Variants in KLF17 observed in about 807,000 individuals in gnomAD.
KLF17 encodes the protein KLF transcription factor 17, also known as Krueppel-like factor 17.
KLF17 carries 31 observed loss-of-function variants against 34.2 expected under a neutral mutation model. The observed-to-expected ratio is 0.91, with a 90% CI of 0.68 to 1.22. The LOEUF is 1.22. Among genes scored for constraint, KLF17 ranks in the 50% most tolerant of loss-of-function variants. The probability of loss-of-function intolerance (pLI) is 0.00; values close to 1 mark genes in which losing one functional copy is unlikely to be tolerated. For synonymous variants in KLF17, 179 were observed against 186.7 expected (o/e 0.96, Z 0.34); for missense variants, 478 against 505.2 (o/e 0.95, Z 0.52).
At chr1:44,087,087 T>C in the KLF17 span, among the ~76,000 whole-genome samples, 1 of 152,126 alleles carries the variant, frequency 6.6e-6, no homozygotes, top group Admixed American at 6.5e-5. Context: ...AAGCAACTAA[T>C]ACAAATTGAG....
upstream of KLF17, among the ~76,000 whole-genome samples, chr1:44,116,519 A>T (rs1182281071): frequency 6.6e-6 from 1 of 152,054 alleles, no homozygotes; most frequent in Non-Finnish European, 1.5e-5. Flanking sequence ...TTCTGCTCTC[A>T]TTCGTAGCAA....
At chr1:44,106,087 G>A in the KLF17 span, among the ~76,000 whole-genome samples, 3 of 152,040 alleles carry the variant, frequency 2.0e-5, no homozygotes, top group African/African-American at 7.3e-5. Context: ...TCCTACCCGA[G>A]TGTTGACTGC....
intron 1 of KLF17, among the ~76,000 whole-genome samples, chr1:44,126,378 C>T (rs536608306): frequency 1.3e-5 from 2 of 152,336 alleles, no homozygotes; most frequent in East Asian, 3.9e-4. Context: ...ATGCAAGTTG[C>T]TCCAGGAACA....
At chr1:44,129,170 C>T (rs1236315455) in intron 1 of KLF17, among the ~76,000 whole-genome samples, 183 bp from the exon 2 acceptor site, 1 of 152,006 alleles carries the variant, frequency 6.6e-6, no homozygotes, top group African/African-American at 2.4e-5. Flanking sequence ...TTTAGGCTTC[C>T]GTGGGGCTTG....
At chr1:44,050,760 T>C in the KLF17 span, among the ~76,000 whole-genome samples, 1 of 152,096 alleles carries the variant, frequency 6.6e-6, no homozygotes, top group African/African-American at 2.4e-5. Flanking sequence ...CTACTAAAAA[T>C]ACAAAAATTA....
At chr1:44,099,635 T>A in the KLF17 span, among the ~76,000 whole-genome samples, 102 of 144,670 alleles carry the variant, frequency 7.1e-4, no homozygotes, top group Admixed American at 1.1e-3. Context: ...CCAACATGGT[T>A]AAACCCCATC....
At chr1:44,094,002 G>A in the KLF17 span, among the ~76,000 whole-genome samples, 8 of 152,206 alleles carry the variant, frequency 5.3e-5, no homozygotes, top group Admixed American at 2.0e-4. Flanking sequence ...TCTGAACTAC[G>A]TGAGTCCACT....
chr1:44,122,541 G>A (rs776520071), intron 1 of KLF17: 81 of 814,400 alleles, frequency 9.9e-5, no homozygotes, highest in Middle Eastern at 6.6e-4. Flanking sequence ...CTTTGGGTCC[G>A]ATAGCACACT....
the KLF17 span, chr1:44,069,919 G>A: frequency 6.6e-6 from 1 of 152,224 alleles, no homozygotes; most frequent in Admixed American, 6.5e-5. The surrounding 1 kb of genome is among the most constrained non-coding windows in gnomAD (Gnocchi z 4.7). Flanking sequence ...GCATGTCTCT[G>A]TGGCCGCTGT....
At chr1:44,072,595 G>A in the KLF17 span, among the ~76,000 whole-genome samples, 1 of 152,226 alleles carries the variant, frequency 6.6e-6, no homozygotes, top group African/African-American at 2.4e-5. Context: ...TAGCCACTGG[G>A]GAGGCTGAGG....
chr1:44,099,871 A>G, the KLF17 span, among the ~76,000 whole-genome samples: 28 of 65,530 alleles, frequency 4.3e-4, no homozygotes, highest in South Asian at 1.2e-3. Context: ...GAAAGAAAGA[A>G]AGAAAGAAAG....
At chr1:44,097,597 AG>A in the KLF17 span, among the ~76,000 whole-genome samples, 5 of 140,368 alleles carry the variant, frequency 3.6e-5, no homozygotes, top group Non-Finnish European at 7.9e-5. Context: ...TAATAAAAAA[AG>A]AATGAAATTA....
upstream of KLF17, chr1:44,114,251 G>T (rs569950687): frequency 2.8e-3 from 434 of 152,302 alleles, 2 homozygotes; most frequent in African/African-American, 0.01. Context: ...TGCTAATGAA[G>T]CGAGAATCAG....
the KLF17 span, chr1:44,046,182 T>G: frequency 6.7e-6 from 1 of 149,824 alleles, no homozygotes; most frequent in Non-Finnish European, 1.5e-5. Context: ...ATACATTCAT[T>G]GGGTACTTAC....
chr1:44,060,041 G>A, the KLF17 span, among the ~76,000 whole-genome samples: 7 of 152,018 alleles, frequency 4.6e-5, no homozygotes, highest in Middle Eastern at 3.4e-3. Flanking sequence ...ATCACACCCC[G>A]TAGGGCCTCT....
rs2087914451 is a variant in KLF17 at position 44,119,057 on chromosome 1, T to C, written c.81+69T>C. On this transcript the variant is annotated intron_variant, in intron 1 of 3. Transcript: ENST00000372299. ...TAGGGGGCGGCGGGGAGGGGAGGCC[T>C]TGGAGGAGAGGTGAGGCGGAGGGAA... The C allele has an allele frequency of 3.2e-6, 4 of 1,237,660 alleles. No homozygotes were observed. The African/African-American group carries it at 6.1e-5, about 19-fold the overall frequency. 76.7% of individuals were successfully genotyped at this position (1,237,660 alleles called of 1,614,324 possible).
At chr1:44,049,585 C>A in the KLF17 span, among the ~76,000 whole-genome samples, 1 of 152,224 alleles carries the variant, frequency 6.6e-6, no homozygotes, top group African/African-American at 2.4e-5. Flanking sequence ...CAGGGTCAAG[C>A]AATCCTCTGA....
the KLF17 span, among the ~76,000 whole-genome samples, chr1:44,097,827 G>A: frequency 8.5e-5 from 13 of 152,198 alleles, no homozygotes; most frequent in African/African-American, 3.1e-4. Context: ...TAACATAAAA[G>A]GATGTTGAAT....
the KLF17 span, among the ~76,000 whole-genome samples, chr1:44,067,540 C>A: frequency 6.6e-6 from 1 of 152,162 alleles, no homozygotes; most frequent in Non-Finnish European, 1.5e-5. Context: ...AGGAAGAAAG[C>A]TAAGCAAGTG....
Sources: gnomAD v4.1 joint callset for allele counts (sites outside exome capture counted in the v4.1 genomes callset) on GRCh38, gnomAD v4.1.1 for gene constraint, Gnocchi (gnomAD v3.1) non-coding constraint, MANE v1.5 for transcripts, NCBI Gene and HGNC (gene_info 2026-07-23, HGNC 2026-07-21) for gene names.